The following DIAPH2 variants were observed in gnomAD, a reference collection of about 807,000 sequenced individuals.
DIAPH2 encodes the protein protein diaphanous homolog 2.
DIAPH2 carries 35 observed loss-of-function variants against 92.7 expected under a neutral mutation model. The ratio of observed to expected loss-of-function variants is 0.38; its 90% confidence interval spans 0.29 to 0.50. The LOEUF is 0.50. Ranked by LOEUF, DIAPH2 falls within the 20% of genes least tolerant of loss-of-function variation. The probability of loss-of-function intolerance (pLI) is 0.94; values close to 1 mark genes in which losing one functional copy is unlikely to be tolerated. For synonymous variants in DIAPH2, 301 were observed against 280.4 expected, an observed-to-expected ratio of 1.07 and a Z score of -0.73; for missense variants, 701 against 819.5, an observed-to-expected ratio of 0.86 and a Z score of 1.77.
intron 5 of DIAPH2, among the ~76,000 whole-genome samples, chrX:96,889,596 A>C (rs1453446584): frequency 1.8e-5 from 2 of 112,145 alleles, no homozygotes; most frequent in African/African-American, 6.5e-5. Flanking sequence ...ACAAAACTAA[A>C]TTCCCCTTGT....
At chrX:96,739,371 A>G (rs1029391025) in intron 3 of DIAPH2, among the ~76,000 whole-genome samples, 2 of 111,749 alleles carry the variant, frequency 1.8e-5, no homozygotes, top group Non-Finnish European at 3.8e-5. Context: ...ACCGTATTAC[A>G]TTGTTAATTT....
At chrX:96,862,993 G>A (rs1248703461) in intron 4 of DIAPH2, among the ~76,000 whole-genome samples, 1 of 110,553 alleles carries the variant, frequency 9.0e-6, no homozygotes, top group East Asian at 2.8e-4. Flanking sequence ...TTTTCTGCTT[G>A]ACTGTAGAAC....
At chrX:97,562,253 T>A (rs1569424698) in intron 26 of DIAPH2, among the ~76,000 whole-genome samples, 1 of 108,611 alleles carries the variant, frequency 9.2e-6, no homozygotes, top group Non-Finnish European at 1.9e-5. Flanking sequence ...CCCAGCACTT[T>A]GGTAGGCGGA....
At chrX:97,137,624 T>TA (rs1232214085) in intron 21 of DIAPH2, among the ~76,000 whole-genome samples, 2 of 109,685 alleles carry the variant, frequency 1.8e-5, no homozygotes, top group Non-Finnish European at 3.8e-5. Context: ...TCTTGGCGGA[T>TA]AAAAAGGAAC....
chrX:96,910,633 A>G (rs1001359917), intron 5 of DIAPH2, among the ~76,000 whole-genome samples: 9 of 111,361 alleles, frequency 8.1e-5, no homozygotes, highest in African/African-American at 2.9e-4. Context: ...GAGATTGCTT[A>G]TTCTATTAAC....
chrX:96,852,327 A>G (rs2065011300), intron 4 of DIAPH2, among the ~76,000 whole-genome samples: 1 of 112,205 alleles, frequency 8.9e-6, no homozygotes. Context: ...AATGTACTAA[A>G]ACTATGTTTT....
Position 96,885,003 on chromosome X carries a change from C to T in DIAPH2, c.587+3285C>T, listed in dbSNP as rs754961606. On this transcript the variant is annotated intron_variant, in intron 5 of 26. Transcript: ENST00000324765. ...TCCGGGCTCAGCTCTGCGACCTTAG[C>T]GTCAAGGCCATCAAGGAAGCGATTG... The T allele has an allele frequency of 1.5e-5, 18 of 1,208,375 alleles. No homozygotes were observed. The South Asian group carries it at 2.8e-4, about 19-fold the overall frequency.
At chrX:97,338,116 C>T (rs1313344906) in intron 23 of DIAPH2, among the ~76,000 whole-genome samples, 1 of 110,489 alleles carries the variant, frequency 9.1e-6, no homozygotes, top group African/African-American at 3.3e-5. Flanking sequence ...AGGTAATCTG[C>T]CCGCCTCGGC....
chrX:96,941,839 A>G (rs1477179266), intron 12 of DIAPH2, among the ~76,000 whole-genome samples, 179 bp from the exon 13 acceptor site: 1 of 110,283 alleles, frequency 9.1e-6, no homozygotes, highest in Non-Finnish European at 1.9e-5. Flanking sequence ...TTGGTACTGT[A>G]ACACCCAGAC....
At chrX:96,879,337 C>T (rs2065198483) in intron 4 of DIAPH2, among the ~76,000 whole-genome samples, 1 of 111,115 alleles carries the variant, frequency 9.0e-6, no homozygotes, top group Admixed American at 9.6e-5. Context: ...AAAGGTCACG[C>T]AACAGGGTTA....
At chrX:97,096,203 G>A (rs12393276) in intron 19 of DIAPH2, among the ~76,000 whole-genome samples, 4,475 of 112,132 alleles carry the variant, frequency 0.04, 188 homozygotes, top group African/African-American at 0.13. Context: ...GAGCATAGAG[G>A]GTAGTCTTCG....
In DIAPH2 at chrX:96,718,336, G is replaced by GTTTTTTTTTTTTTTTTTTTT. The variant is rs962776012; in HGVS notation, c.133-17403_133-17384dup. On this transcript the variant is annotated intron_variant, in intron 1 of 26. Transcript: ENST00000324765. ...TGTATATATGTACCACATTTTCTTT[G>GTTTTTTTTTTTTTTTTTTTT]TTTTTTTTTTTTTTTTTTTTTTTTT... 3.6e-4 allele frequency among the ~76,000 whole-genome samples: 4 copies of GTTTTTTTTTTTTTTTTTTTT among 10,993 alleles called. 2 individuals carry two copies. Among genetic ancestry groups the GTTTTTTTTTTTTTTTTTTTT allele is most frequent in the Non-Finnish European group, 5.5e-4 (4 of 7,216 alleles). The allele number at this position is 10,993 out of a possible 115,157, so 9.5% of individuals were successfully genotyped here.
intron 22 of DIAPH2, among the ~76,000 whole-genome samples, chrX:97,209,393 A>G (rs2067821902): frequency 9.0e-6 from 1 of 111,693 alleles, no homozygotes; most frequent in East Asian, 2.8e-4. Context: ...CAAATTCAAT[A>G]AAATATAAAA....
intron 1 of DIAPH2, among the ~76,000 whole-genome samples, chrX:96,720,760 T>C (rs1263279240): frequency 9.0e-6 from 1 of 111,669 alleles, no homozygotes; most frequent in Non-Finnish European, 1.9e-5. Flanking sequence ...GTGATAAATA[T>C]ACTTCCAGAG....
chrX:96,959,244 T>C (rs1279325655), intron 16 of DIAPH2, among the ~76,000 whole-genome samples: 1 of 111,768 alleles, frequency 8.9e-6, no homozygotes, highest in Non-Finnish European at 1.9e-5. Context: ...ACATTCCTAA[T>C]AACAGTATAT....
At chrX:97,331,620 T>C (rs1245058174) in intron 23 of DIAPH2, among the ~76,000 whole-genome samples, 1 of 112,354 alleles carries the variant, frequency 8.9e-6, no homozygotes, top group Non-Finnish European at 1.9e-5. Context: ...TTACCTATAT[T>C]GAATAAATTC....
At chrX:97,416,901 G>A (rs1419218642) in intron 25 of DIAPH2, among the ~76,000 whole-genome samples, 2 of 112,286 alleles carry the variant, frequency 1.8e-5, no homozygotes, top group Non-Finnish European at 3.8e-5. Flanking sequence ...GCCACTAGTG[G>A]ATCTAATTTC....
At chrX:96,752,811 G>A (rs910178349) in intron 3 of DIAPH2, among the ~76,000 whole-genome samples, 1 of 111,807 alleles carries the variant, frequency 8.9e-6, no homozygotes, top group African/African-American at 3.3e-5. Flanking sequence ...GATGAAAAGC[G>A]GTTAAAAGGC....
intron 17 of DIAPH2, among the ~76,000 whole-genome samples, chrX:97,023,101 C>T (rs754880535): frequency 8.9e-6 from 1 of 112,012 alleles, no homozygotes; most frequent in Admixed American, 9.4e-5. Flanking sequence ...ATTTTATTCA[C>T]ATCTAGACAT....
Sources: gnomAD v4.1 joint callset for allele counts (sites outside exome capture counted in the v4.1 genomes callset) on GRCh38, gnomAD v4.1.1 for gene constraint, MANE v1.5 for transcripts, NCBI Gene and HGNC (gene_info 2026-07-23, HGNC 2026-07-21) for gene names.